MTMR3: variants seen among roughly 807,000 people sequenced by gnomAD.
MTMR3 encodes the protein phosphatidylinositol-3,5-bisphosphate 3-phosphatase MTMR3.
In MTMR3, 32 loss-of-function variants were observed where a neutral mutation model predicts 132.4. That is an observed-to-expected ratio of 0.24 (90% CI 0.18 to 0.32). The LOEUF (loss-of-function observed/expected upper bound fraction) is 0.32. MTMR3 is among the 10% of genes least tolerant of loss of function. The pLI, the probability that MTMR3 is intolerant of heterozygous loss-of-function variation, is 1.00. For synonymous variants in MTMR3, 556 were observed against 550.3 expected (o/e 1.01, Z -0.14); for missense variants, 1,216 against 1,489.6 (o/e 0.82, Z 3.02).
At chr22:29,921,352 A>G (rs746897591) in intron 1 of MTMR3, among the ~76,000 whole-genome samples, 1 of 152,202 alleles carries the variant, frequency 6.6e-6, no homozygotes, top group Non-Finnish European at 1.5e-5. Context: ...GCACCAAGCC[A>G]TATTAGGGAT....
At chr22:29,891,959 C>G (rs771670275) in intron 1 of MTMR3, among the ~76,000 whole-genome samples, 1 of 151,896 alleles carries the variant, frequency 6.6e-6, no homozygotes, top group Non-Finnish European at 1.5e-5. Flanking sequence ...TCGAGACCAT[C>G]CTGGCTAACA....
intron 2 of MTMR3, among the ~76,000 whole-genome samples, chr22:29,960,910 T>C (rs907830446): frequency 1.3e-5 from 2 of 152,222 alleles, no homozygotes; most frequent in Non-Finnish European, 2.9e-5. Flanking sequence ...AAATTTGTTA[T>C]CCTAATTGCA....
rs1373533950 is a variant in MTMR3 at position 29,970,984 on chromosome 22, A to G, written c.-76A>G. The G allele has an allele frequency of 2.2e-5, 13 of 583,240 alleles. No homozygotes were observed. The African/African-American group carries it at 2.6e-4, about 12-fold the overall frequency. The allele number at this position is 583,240 out of a possible 1,614,324, so 36.1% of individuals were successfully genotyped here. A position where few individuals can be genotyped will look rare whatever the true frequency, so the allele number is the denominator to read the frequency against. ...TTCCCCCCCACCCCCAGACTTCACCATAAGGGAAAGAAGAGAGCCTTGTTG... is the reference window on the plus strand; with the variant it reads ...TTCCCCCCCACCCCCAGACTTCACCGTAAGGGAAAGAAGAGAGCCTTGTTG... On this transcript the variant is annotated 5_prime_UTR_variant, in exon 3 of 20. Coordinates refer to ENST00000401950, the MANE Select transcript of MTMR3 (RefSeq NM_021090.4).
chr22:30,019,879 C>G lies in MTMR3; in HGVS notation c.2220C>G (p.His740Gln), dbSNP rs985297318. ...KTPEASAIGL[H>Q]QDPELGDAAL... ...CTGAGGCCTCAGCCATTGGACTTCA[C>G]CAAGACCCAGAACTGGGTGATGCTG... The change falls in exon 17 of 20, where the codon CAC becomes CAG. Residue 740 changes from histidine (H) to glutamine (Q), a missense_variant. By Grantham distance (24) the His-to-Gln change is conservative. Around this residue, in one of 7 missense-constraint regions of MTMR3, gnomAD observed 852 missense variants for 852.0 expected, o/e 1.00. Coordinates refer to ENST00000401950, the MANE Select transcript of MTMR3 (RefSeq NM_021090.4). The G allele has an allele frequency of 1.2e-6, 2 of 1,614,178 alleles. No individual in the cohort carries two copies. Among genetic ancestry groups the G allele is most frequent in the African/African-American group, 1.3e-5 (1 of 75,052 alleles).
At chr22:29,947,854 G>T (rs1392934771) in intron 1 of MTMR3, among the ~76,000 whole-genome samples, 2 of 152,120 alleles carry the variant, frequency 1.3e-5, no homozygotes, top group Non-Finnish European at 2.9e-5. Context: ...TTTTCTGGGG[G>T]TATGTTGAAT....
At chr22:29,930,417 T>C (rs1421653159) in intron 1 of MTMR3, among the ~76,000 whole-genome samples, 1 of 152,154 alleles carries the variant, frequency 6.6e-6, no homozygotes, top group Non-Finnish European at 1.5e-5. Context: ...ATTAATAATA[T>C]GAACTTGGCC....
At chr22:29,974,090 T>C (rs1255378611) in intron 3 of MTMR3, among the ~76,000 whole-genome samples, 3 of 152,176 alleles carry the variant, frequency 2.0e-5, no homozygotes, top group Admixed American at 2.0e-4. Flanking sequence ...AAGTGCCAGA[T>C]GCCACAATGC....
intron 1 of MTMR3, among the ~76,000 whole-genome samples, chr22:29,939,029 C>T (rs2065805073): frequency 1.3e-5 from 2 of 151,920 alleles, no homozygotes; most frequent in Non-Finnish European, 2.9e-5. Flanking sequence ...ACCATATTGG[C>T]CAGGCTGGTC....
intron 1 of MTMR3, among the ~76,000 whole-genome samples, chr22:29,914,047 G>A (rs1217375886): frequency 6.6e-6 from 1 of 152,142 alleles, no homozygotes; most frequent in Non-Finnish European, 1.5e-5. Flanking sequence ...ACCACGCCCG[G>A]CCCAGTTTTT....
chr22:30,008,501 A>G (rs1195763251), intron 11 of MTMR3: 1 of 162,554 alleles, frequency 6.2e-6, no homozygotes, highest in Non-Finnish European at 1.3e-5. Flanking sequence ...CCTGAGCTGT[A>G]ACACCATTAC....
intron 2 of MTMR3, among the ~76,000 whole-genome samples, chr22:29,960,847 C>T (rs974931884): frequency 1.3e-5 from 2 of 152,020 alleles, no homozygotes; most frequent in Admixed American, 6.6e-5. Context: ...TAAATGAAAA[C>T]CTTTCATTAA....
At chr22:29,978,691 C>T (rs535829079) in intron 4 of MTMR3, among the ~76,000 whole-genome samples, 160 bp downstream of exon 4, 1 of 152,206 alleles carries the variant, frequency 6.6e-6, no homozygotes, top group Non-Finnish European at 1.5e-5. Flanking sequence ...AGACTTATTT[C>T]CTGAGAATCC....
chr22:30,008,062 CT>C lies in MTMR3; in HGVS notation c.1009+33del, dbSNP rs754055098. 4.4e-6 allele frequency: 7 copies of C among 1,607,884 alleles called. No individual in the cohort carries two copies. The African/African-American group carries it at 5.3e-5, about 12-fold the overall frequency. ...GGTGTATGGTGCTTTGTTCCCCATACTTTCTCCTTGTGAGTGTAGCCCTTGC... is the reference window on the plus strand; with the variant it reads ...GGTGTATGGTGCTTTGTTCCCCATACTTCTCCTTGTGAGTGTAGCCCTTGC... On this transcript the variant is annotated intron_variant, in intron 11 of 19. Transcript: ENST00000401950.
At chr22:30,010,953 C>G (rs1309882624) in intron 12 of MTMR3, 1 of 152,170 alleles carries the variant, frequency 6.6e-6, no homozygotes, top group Non-Finnish European at 1.5e-5. Flanking sequence ...GCTGGGGGTA[C>G]AGTTATGACT....
chr22:29,965,433 C>T (rs1020117441), intron 2 of MTMR3, among the ~76,000 whole-genome samples: 5 of 152,112 alleles, frequency 3.3e-5, no homozygotes, highest in Admixed American at 2.0e-4. Context: ...TGTGGTGGCT[C>T]ACACACTTTG....
intron 14 of MTMR3, 148 bp from the exon 15 acceptor site, chr22:30,016,380 G>A: frequency 1.3e-6 from 1 of 785,716 alleles, no homozygotes; most frequent in South Asian, 1.9e-5. Context: ...AGGAGGAGGA[G>A]GCTACTGCAT....
At chr22:29,935,966 G>T (rs1258899695) in intron 1 of MTMR3, among the ~76,000 whole-genome samples, 1 of 151,562 alleles carries the variant, frequency 6.6e-6, no homozygotes, top group African/African-American at 2.4e-5. Context: ...ATTAGCCAGG[G>T]TGGTCTGGAT....
In MTMR3 at chr22:29,921,934, G is replaced by C. The variant is rs558722203; in HGVS notation, c.-137-35102G>C. On this transcript the variant is annotated intron_variant, in intron 1 of 19. Transcript: ENST00000401950. ...TGCCATCTCGGCTTGCTGCAACCTC[G>C]ACCTCTTGGGTTGAAGCAAATTCTT... Among the ~76,000 whole-genome samples the C allele has an allele frequency of 4.5e-3, 659 of 148,052 alleles. 6 individuals are homozygous for C. The highest frequency in any genetic ancestry group is 0.016 in the African/African-American group (623 of 40,010).
chr22:29,941,157 C>T (rs1054036487), intron 1 of MTMR3, among the ~76,000 whole-genome samples: 7 of 139,922 alleles, frequency 5.0e-5, no homozygotes, highest in East Asian at 1.9e-4. Flanking sequence ...TAAATGGAAT[C>T]ATACAATATT....
Sources: allele counts gnomAD v4.1 joint callset (sites outside exome capture counted in the v4.1 genomes callset), GRCh38; gene constraint gnomAD v4.1.1; regional missense constraint gnomAD v4.1.1; transcripts MANE v1.5; gene names NCBI Gene and HGNC (gene_info 2026-07-23, HGNC 2026-07-21).